Variants in OPHN1 observed in about 807,000 individuals in gnomAD.
OPHN1 encodes oligophrenin 1.
A neutral mutation model predicts 60.7 loss-of-function variants in OPHN1; 11 were observed. The ratio of observed to expected loss-of-function variants is 0.18; its 90% CI spans 0.11 to 0.30. The LOEUF is 0.30. Ranked by LOEUF, OPHN1 falls within the 10% of genes least tolerant of loss-of-function variation. The probability of loss-of-function intolerance (pLI) is 1.00; values close to 1 mark genes in which losing one functional copy is unlikely to be tolerated. For synonymous variants in OPHN1, 226 were observed against 222.6 expected, an observed-to-expected ratio of 1.02 and a Z score of -0.14; for missense variants, 449 against 611.0, an observed-to-expected ratio of 0.73 and a Z score of 2.80.
At chrX:68,401,503 G>A (rs994754360) in intron 2 of OPHN1, among the ~76,000 whole-genome samples, 1 of 112,180 alleles carries the variant, frequency 8.9e-6, no homozygotes, top group Non-Finnish European at 1.9e-5. Flanking sequence ...GTACAGTAAC[G>A]CAATTGTACA....
intron 19 of OPHN1, among the ~76,000 whole-genome samples, chrX:68,082,318 TGAATGCTTTCCA>T (rs998723112): frequency 3.6e-5 from 4 of 112,601 alleles, no homozygotes; most frequent in Admixed American, 9.4e-5. Flanking sequence ...TCTAGATTGG[TGAATGCTTTCCA>T]GAAGGTTTTA....
chrX:68,346,223 C>T (rs1027089433), intron 2 of OPHN1, among the ~76,000 whole-genome samples: 2 of 111,908 alleles, frequency 1.8e-5, no homozygotes, highest in Non-Finnish European at 3.8e-5. Flanking sequence ...AATACACATA[C>T]TGTTATATTT....
At chrX:68,053,588 C>T (rs1373674778) in intron 22 of OPHN1, 57 bp downstream of exon 22, 1 of 1,130,704 alleles carries the variant, frequency 8.8e-7, no homozygotes, top group Non-Finnish European at 1.2e-6. Context: ...ATCCTGAAAG[C>T]ATTCCTAGTG....
intron 21 of OPHN1, among the ~76,000 whole-genome samples, chrX:68,062,183 C>T (rs1387429199): frequency 8.9e-6 from 1 of 111,880 alleles, no homozygotes; most frequent in Non-Finnish European, 1.9e-5. Flanking sequence ...CTTCTCCCAA[C>T]CTCCCGATTC....
intron 15 of OPHN1, among the ~76,000 whole-genome samples, chrX:68,171,506 C>A (rs1410383026): frequency 1.8e-5 from 2 of 111,047 alleles, no homozygotes; most frequent in African/African-American, 6.5e-5. Flanking sequence ...GAGGCTGAGG[C>A]GGGCAGATCA....
chrX:68,355,729 T>G (rs1602350229), intron 2 of OPHN1, among the ~76,000 whole-genome samples: 1 of 112,113 alleles, frequency 8.9e-6, no homozygotes, highest in East Asian at 2.8e-4. Flanking sequence ...TTTGTTTACC[T>G]ATTCACAGGA....
intron 6 of OPHN1, among the ~76,000 whole-genome samples, chrX:68,227,032 C>A (rs1195283471): frequency 9.0e-6 from 1 of 110,993 alleles, no homozygotes; most frequent in Non-Finnish European, 1.9e-5. Context: ...CAGAGACACA[C>A]ACAGGCTCAA....
intron 20 of OPHN1, chrX:68,070,754 C>A: frequency 8.8e-7 from 1 of 1,137,152 alleles, no homozygotes; most frequent in African/African-American, 1.8e-5. Context: ...CAAATACCCC[C>A]CACAGGACCA....
chrX:68,217,941 C>T (rs1299223234), intron 6 of OPHN1, among the ~76,000 whole-genome samples: 228 of 72,041 alleles, frequency 3.2e-3, no homozygotes, highest in Non-Finnish European at 4.0e-3. Context: ...ATGACTTTGA[C>T]GAGCTGAGAG....
intron 3 of OPHN1, among the ~76,000 whole-genome samples, chrX:68,294,599 G>A (rs1274710141): frequency 9.2e-6 from 1 of 108,888 alleles, no homozygotes; most frequent in East Asian, 2.9e-4. Flanking sequence ...GCCAAAACTT[G>A]TATGATTGGG....
In OPHN1 at chrX:68,283,173, T is replaced by G. The variant is rs976146438; in HGVS notation, c.251-56A>C. 6.2e-6 allele frequency: 6 copies of G among 975,036 alleles called. No homozygotes were observed. The African/African-American group carries it at 9.5e-5, about 15-fold the overall frequency. The allele number at this position is 975,036 out of a possible 1,213,427, so 80.4% of individuals were successfully genotyped here. On this transcript the variant is annotated intron_variant, in intron 3 of 24. Coordinates refer to ENST00000355520, the MANE Select transcript of OPHN1 (RefSeq NM_002547.3). ...TTAATCATGGTGCTTGACAGACAAA[T>G]GGATAGAGATCTGTGCAACAGGAAG...
chrX:68,421,534 C>A (rs949369239), intron 2 of OPHN1, among the ~76,000 whole-genome samples: 3 of 111,249 alleles, frequency 2.7e-5, no homozygotes, highest in Admixed American at 9.6e-5. Flanking sequence ...TATTACCCAC[C>A]CTCTTCCTCC....
intron 3 of OPHN1, among the ~76,000 whole-genome samples, chrX:68,283,851 C>A (rs773806943): frequency 4.5e-5 from 5 of 111,731 alleles, no homozygotes; most frequent in Admixed American, 9.6e-5. Flanking sequence ...AACAACTGAA[C>A]AAGTCCAGCA....
intron 2 of OPHN1, among the ~76,000 whole-genome samples, chrX:68,395,877 C>T (rs781057601): frequency 1.1e-4 from 12 of 111,379 alleles, no homozygotes; most frequent in Admixed American, 7.7e-4. Context: ...TGAGTCACCA[C>T]GCCCAGCCAT....
At chrX:68,383,567 C>A (rs1230846936) in intron 2 of OPHN1, among the ~76,000 whole-genome samples, 1 of 92,969 alleles carries the variant, frequency 1.1e-5, no homozygotes, top group East Asian at 3.3e-4. Context: ...CCATTGCAAT[C>A]CAGCTTGGGT....
intron 18 of OPHN1, among the ~76,000 whole-genome samples, chrX:68,111,430 C>T (rs1392179385): frequency 1.8e-5 from 2 of 112,246 alleles, no homozygotes; most frequent in African/African-American, 3.2e-5. Context: ...ACAAAAAGTG[C>T]CATTTCTTGA....
intron 4 of OPHN1, among the ~76,000 whole-genome samples, chrX:68,281,379 G>A (rs1328283796): frequency 1.8e-5 from 2 of 112,250 alleles, no homozygotes; most frequent in African/African-American, 6.5e-5. Flanking sequence ...ATGCAAAACA[G>A]TGAATCTAGA....
intron 15 of OPHN1, among the ~76,000 whole-genome samples, chrX:68,178,079 A>G (rs1266600923): frequency 8.9e-6 from 1 of 111,980 alleles, no homozygotes; most frequent in Non-Finnish European, 1.9e-5. Flanking sequence ...ATACCCCATT[A>G]CACACTATAT....
intron 6 of OPHN1, among the ~76,000 whole-genome samples, chrX:68,217,084 G>A (rs2077614170): frequency 8.9e-6 from 1 of 111,838 alleles, no homozygotes; most frequent in African/African-American, 3.2e-5. Flanking sequence ...CCGTGCGCGA[G>A]CCGAAGCAGG....
Sources: gnomAD v4.1 joint callset for allele counts (sites outside exome capture counted in the v4.1 genomes callset) on GRCh38, gnomAD v4.1.1 for gene constraint, MANE v1.5 for transcripts, NCBI Gene and HGNC (gene_info 2026-07-23, HGNC 2026-07-21) for gene names.